FRMD4A: variants seen among roughly 807,000 people sequenced by gnomAD.
FRMD4A encodes FERM domain containing 4A.
A neutral mutation model predicts 129.1 loss-of-function variants in FRMD4A; 29 were observed. The ratio of observed to expected loss-of-function variants is 0.22; its 90% confidence interval spans 0.17 to 0.31. The LOEUF (loss-of-function observed/expected upper bound fraction) is 0.31, where lower values mean the gene tolerates loss of function less well. FRMD4A is among the 10% of genes least tolerant of loss of function. The probability of loss-of-function intolerance (pLI) is 1.00; values close to 1 mark genes in which losing one functional copy is unlikely to be tolerated. For missense variants in FRMD4A, 1,272 were observed against 1,375.8 expected, an observed-to-expected ratio of 0.92 and a Z score of 1.19; for synonymous variants, 634 against 571.6, an observed-to-expected ratio of 1.11 and a Z score of -1.56.
At chr10:14,186,988 G>A (rs141313432) in intron 2 of FRMD4A, among the ~76,000 whole-genome samples, 1 of 151,980 alleles carries the variant, frequency 6.6e-6, no homozygotes, top group East Asian at 1.9e-4. Context: ...AGTCAGGTGT[G>A]GCGGTGCACA....
At chr10:14,163,249 G>A (rs887117644) in intron 2 of FRMD4A, among the ~76,000 whole-genome samples, 3 of 152,190 alleles carry the variant, frequency 2.0e-5, no homozygotes, top group African/African-American at 7.2e-5. Flanking sequence ...TAGAAGAAAT[G>A]TCTAAATTTC....
Position 13,902,296 on chromosome 10 carries a change from A to C in FRMD4A, c.46-43384T>G, listed in dbSNP as rs370286709. On this transcript the variant is annotated intron_variant, in intron 2 of 24. Coordinates refer to ENST00000357447, the MANE Select transcript of FRMD4A (RefSeq NM_018027.5). Reference sequence around the variant, plus strand: ...CTCCCAAAGTGTTGGGATTACAGGCATGAGCCAGTGTGCCAGCCTAGGCTT... The same window carrying C: ...CTCCCAAAGTGTTGGGATTACAGGCCTGAGCCAGTGTGCCAGCCTAGGCTT... 1.0e-3 allele frequency among the ~76,000 whole-genome samples: 158 copies of C among 152,290 alleles called. 1 individual carries two copies. The highest frequency in any genetic ancestry group is 2.7e-3 in the Admixed American group (41 of 15,302).
At chr10:14,000,433 G>C (rs531339782) in intron 2 of FRMD4A, among the ~76,000 whole-genome samples, 35 of 151,814 alleles carry the variant, frequency 2.3e-4, no homozygotes, top group Non-Finnish European at 4.6e-4. Flanking sequence ...GATCACTTGA[G>C]GTCAGGAGTT....
rs1397806750 is a variant in FRMD4A at position 13,656,908 on chromosome 10, C to A, written c.2681G>T (p.Gly894Val). ...CTGCGATCGCGACGGCGTCAGGCGG[C>A]CCGTGTCGCCCTCGTCGCCGCCGCC... The part of the protein sequence containing the change: ...RGGGGDEGDT[G>V]RLTPSRSQIL... Residue 894 changes from glycine to valine, a missense_variant, in exon 22 of 25, where the codon GGC becomes GTC. Coordinates refer to ENST00000357447, the MANE Select transcript of FRMD4A (RefSeq NM_018027.5). 4.7e-6 allele frequency: 7 copies of A among 1,485,384 alleles called. No homozygotes were observed. The highest frequency in any genetic ancestry group is 1.5e-5 in the African/African-American group (1 of 68,782). 92.0% of individuals were successfully genotyped at this position (1,485,384 alleles called of 1,614,324 possible).
intron 2 of FRMD4A, among the ~76,000 whole-genome samples, chr10:14,254,810 A>T (rs1844555171): frequency 6.6e-6 from 1 of 152,088 alleles, no homozygotes; most frequent in South Asian, 2.1e-4. Flanking sequence ...AAAAAATAAT[A>T]GCCTAGGTTT....
At chr10:13,829,432 G>T (rs1478231902) in intron 3 of FRMD4A, among the ~76,000 whole-genome samples, 1 of 152,156 alleles carries the variant, frequency 6.6e-6, no homozygotes, top group African/African-American at 2.4e-5. Context: ...TGAGGCTGCT[G>T]TGAGCCATGA....
intron 2 of FRMD4A, among the ~76,000 whole-genome samples, chr10:14,313,617 T>C (rs576092603): frequency 1.3e-5 from 1 of 78,078 alleles, no homozygotes; most frequent in Non-Finnish European, 3.4e-5. Context: ...CTATTATCTC[T>C]CAGATTTGGA....
chr10:14,139,001 C>T (rs1035787965), intron 2 of FRMD4A, among the ~76,000 whole-genome samples: 1 of 152,154 alleles, frequency 6.6e-6, no homozygotes, highest in Non-Finnish European at 1.5e-5. Flanking sequence ...TCCAAGTGAT[C>T]CATCATGGCT....
chr10:14,022,893 A>G (rs1183772661), intron 2 of FRMD4A, among the ~76,000 whole-genome samples: 2 of 152,124 alleles, frequency 1.3e-5, no homozygotes, highest in East Asian at 1.9e-4. Flanking sequence ...GAAATGTATT[A>G]ATGACTTTGT....
chr10:14,314,858 T>C (rs1252229568), intron 2 of FRMD4A, among the ~76,000 whole-genome samples: 1 of 152,144 alleles, frequency 6.6e-6, no homozygotes, highest in African/African-American at 2.4e-5. Flanking sequence ...CTCCTCCTCA[T>C]TCACTTGCAG....
chr10:14,064,672 G>C (rs1467671072), intron 2 of FRMD4A, among the ~76,000 whole-genome samples: 4 of 152,054 alleles, frequency 2.6e-5, no homozygotes, highest in African/African-American at 4.8e-5. Flanking sequence ...CTGCCTCCTG[G>C]GTTCAGGTGA....
At chr10:13,952,488 G>A (rs542671195) in intron 2 of FRMD4A, among the ~76,000 whole-genome samples, 4 of 152,042 alleles carry the variant, frequency 2.6e-5, no homozygotes, top group East Asian at 1.9e-4. Context: ...GTGACAGAGC[G>A]AGACCCTGTC....
At chr10:13,718,263 AG>A (rs1268371815) in intron 12 of FRMD4A, among the ~76,000 whole-genome samples, 1 of 152,230 alleles carries the variant, frequency 6.6e-6, no homozygotes, top group Non-Finnish European at 1.5e-5. Flanking sequence ...GCATCAGGCC[AG>A]GGGTTTGTGG....
intron 2 of FRMD4A, among the ~76,000 whole-genome samples, chr10:14,165,100 C>T (rs1301669922): frequency 1.1e-4 from 17 of 152,070 alleles, no homozygotes; most frequent in Non-Finnish European, 2.2e-4. Context: ...AAAATATTTG[C>T]AAACTATGCA....
At chr10:14,285,038 A>G (rs1249907647) in intron 2 of FRMD4A, among the ~76,000 whole-genome samples, 1 of 152,244 alleles carries the variant, frequency 6.6e-6, no homozygotes, top group Non-Finnish European at 1.5e-5. Flanking sequence ...TATTTAATGA[A>G]GGAACACTTT....
intron 2 of FRMD4A, among the ~76,000 whole-genome samples, chr10:14,005,241 C>G (rs1718288804): frequency 6.6e-6 from 1 of 152,172 alleles, no homozygotes; most frequent in Non-Finnish European, 1.5e-5. Context: ...CCAGGATGGT[C>G]TCCATCTCCT....
rs1222935883 is a variant in FRMD4A, at chr10:13,750,111, AG to A, written c.465-2293del. ...AAGAAAGAAAGAAAGAAAGAAATGA[AG>A]AAAGAAAGAAAGAAAGAAAGAAAGA... On this transcript the variant is annotated intron_variant, in intron 8 of 24. Transcript: ENST00000357447. 3.4e-3 allele frequency among the ~76,000 whole-genome samples: 251 copies of A among 73,682 alleles called. 1 individual carries two copies. The highest frequency in any genetic ancestry group is 5.6e-3 in the Non-Finnish European group (155 of 27,844). 48.3% of individuals were successfully genotyped at this position (73,682 alleles called of 152,430 possible).
chr10:14,139,780 T>A (rs1267766947), intron 2 of FRMD4A, among the ~76,000 whole-genome samples: 1 of 152,218 alleles, frequency 6.6e-6, no homozygotes, highest in Non-Finnish European at 1.5e-5. Flanking sequence ...ATATTGTTAC[T>A]CTTGGGCTTC....
At chr10:14,161,202 C>T (rs368050820) in intron 2 of FRMD4A, among the ~76,000 whole-genome samples, 46 of 152,216 alleles carry the variant, frequency 3.0e-4, no homozygotes, top group South Asian at 1.2e-3. Flanking sequence ...GTAATCCACC[C>T]GCCTCGGCCT....
Sources: allele counts gnomAD v4.1 joint callset (sites outside exome capture counted in the v4.1 genomes callset), GRCh38; gene constraint gnomAD v4.1.1; transcripts MANE v1.5; gene names NCBI Gene and HGNC (gene_info 2026-07-23, HGNC 2026-07-21).